The following CLEC4F variants were observed in gnomAD, a reference collection of about 807,000 sequenced individuals.
CLEC4F encodes C-type lectin domain family 4 member F.
A neutral mutation model predicts 53.4 loss-of-function variants in CLEC4F; 45 were observed. The ratio of observed to expected loss-of-function variants is 0.84; its 90% CI spans 0.66 to 1.08. CLEC4F has a LOEUF of 1.08. Ranked by LOEUF, CLEC4F falls within the 50% of genes least tolerant of loss-of-function variation. The pLI, the probability that CLEC4F is intolerant of heterozygous loss-of-function variation, is 0.00. For missense variants in CLEC4F, 753 were observed against 698.2 expected (o/e 1.08, Z -0.88); for synonymous variants, 245 against 257.5 (o/e 0.95, Z 0.46).
chr2:70,821,212 C>T (rs1460336025), upstream of CLEC4F, among the ~76,000 whole-genome samples: 1 of 152,180 alleles, frequency 6.6e-6, no homozygotes, highest in Non-Finnish European at 1.5e-5. Context: ...CAGTTCCTGA[C>T]ACAGAACTCC....
intron 4 of CLEC4F, among the ~76,000 whole-genome samples, chr2:70,814,481 A>G (rs116695426): frequency 2.0e-5 from 3 of 152,208 alleles, no homozygotes; most frequent in Admixed American, 1.3e-4. Context: ...CCATAGCCCT[A>G]CTGAATCCAA....
At chr2:70,815,619 TC>T (rs1553395573) in intron 4 of CLEC4F, among the ~76,000 whole-genome samples, 2 of 152,134 alleles carry the variant, frequency 1.3e-5, no homozygotes, top group African/African-American at 2.4e-5. Flanking sequence ...TATTATTGTC[TC>T]CCCCTTGCAG....
intron 4 of CLEC4F, among the ~76,000 whole-genome samples, chr2:70,814,291 C>T (rs552183070): frequency 1.3e-5 from 2 of 152,192 alleles, no homozygotes; most frequent in African/African-American, 2.4e-5. Flanking sequence ...ACTGGAAAAA[C>T]GTCAACCTGG....
rs377763141 is a variant in CLEC4F at position 70,816,430 on chromosome 2, G to T, written c.951C>A (p.Ile317=). 1.2e-6 allele frequency: 2 copies of T among 1,613,904 alleles called. No homozygotes were observed. Among genetic ancestry groups the T allele is most frequent in the African/African-American group, 2.7e-5 (2 of 74,880 alleles). The change falls in exon 4 of 7, where the codon ATC becomes ATA. Residue 317 remains isoleucine, a synonymous_variant. Transcript: ENST00000272367. ...TTTCCAAATGACCTCTTAAGAACTG[G>T]ATCTCAGCACTAGTGTTGTCAAAAC... ...KSSFDNTSAE[I]QFLRGHLERA...
Position 70,816,574 on chromosome 2 carries a change from G to A in CLEC4F, c.807C>T (p.Thr269=). 6.2e-7 allele frequency: 1 copy of A among 1,613,778 alleles called. No individual in the cohort carries two copies. The highest frequency in any genetic ancestry group is 2.2e-5 in the East Asian group (1 of 44,864). ...GHLDSVNDLR[T]QNQVLRNSLE... is the part of the protein sequence containing the mutation. ...AACTATTTCTTAAAACCTGGTTCTG[G>A]GTCCTCAAGTCATTGACACTATCTA... The change falls in exon 4 of 7, where the codon ACC becomes ACT. Residue 269 remains threonine (T), a synonymous_variant. Transcript: ENST00000272367.
At chr2:70,809,663 G>A in intron 6 of CLEC4F, 76 bp downstream of exon 6, 1 of 1,115,470 alleles carries the variant, frequency 9.0e-7, no homozygotes, top group Non-Finnish European at 1.4e-6. Context: ...CCACTTACTG[G>A]GAAGGGACAC....
Position 70,816,868 on chromosome 2 carries a change from A to C in CLEC4F, c.513T>G (p.Ser171Arg). 1 of 1,613,840 alleles carries C rather than the reference A, an allele frequency of 6.2e-7. No homozygotes were observed. The highest frequency in any genetic ancestry group is 1.1e-5 in the South Asian group (1 of 91,068). Residue 171 changes from serine (S) to arginine (R), a missense_variant, in exon 4 of 7, where the codon AGT (serine) becomes AGG (arginine). Transcript: ENST00000272367. The stretch of plus-strand genomic sequence containing the variant: ...TCTCAGCATTGGTTCCCTCCAGGGA[A>C]CTCCTTAACATCTGTGTCTGCAAAC... ...TLSLQTQMLR[S>R]SLEGTNAEIQ... is the part of the protein sequence containing the mutation.
chr2:70,809,676 A>G, intron 6 of CLEC4F, 63 bp downstream of exon 6: 1 of 1,222,534 alleles, frequency 8.2e-7, no homozygotes, highest in Non-Finnish European at 1.2e-6. Context: ...AGGGACACAC[A>G]GTGTGTAGCT....
upstream of CLEC4F, among the ~76,000 whole-genome samples, chr2:70,824,621 C>CAAAAAAAAAAAAAAAAAAAAAAA (rs1388918958): frequency 1.0e-4 from 4 of 38,268 alleles, no homozygotes; most frequent in African/African-American, 1.9e-4. Flanking sequence ...TGCTTAGTTA[C>CAAAAAAAAAAAAAAAAAAAAAAA]CAAAAAAAAA....
chr2:70,809,426 G>T (rs782102122), intron 6 of CLEC4F, 44 bp from the exon 7 acceptor site: 19 of 1,549,944 alleles, frequency 1.2e-5, no homozygotes, highest in Middle Eastern at 2.4e-4. Flanking sequence ...CCACTCACTG[G>T]CTGCATGCCA....
intron 3 of CLEC4F, among the ~76,000 whole-genome samples, chr2:70,818,696 G>A (rs559253318): frequency 1.3e-5 from 2 of 152,018 alleles, no homozygotes; most frequent in South Asian, 2.1e-4. Flanking sequence ...GGGTGACAGA[G>A]CGAGACTCCG....
intron 4 of CLEC4F, among the ~76,000 whole-genome samples, chr2:70,815,472 A>G (rs1461794876): frequency 6.6e-6 from 1 of 152,124 alleles, no homozygotes; most frequent in Non-Finnish European, 1.5e-5. Context: ...TCTCAAGGGT[A>G]CCTATCACAC....
rs782780824 is a variant in CLEC4F, at chr2:70,816,787, C to T, written c.594G>A (p.Leu198=). ...EKADALTFQT[L]NFLKSSLENT... Reference sequence around the variant, plus strand: ...TTTCTAAACTGCTTTTTAAGAAATTCAGCGTCTGGAAAGTTAAAGCATCTG... The same window carrying T: ...TTTCTAAACTGCTTTTTAAGAAATTTAGCGTCTGGAAAGTTAAAGCATCTG... Residue 198 remains leucine, a synonymous_variant, in exon 4 of 7, where the codon CTG becomes CTA. Transcript: ENST00000272367. The T allele has an allele frequency of 4.2e-5, 68 of 1,614,020 alleles. No homozygotes were observed. The highest frequency in any genetic ancestry group is 5.6e-5 in the Non-Finnish European group (66 of 1,180,036).
Position 70,820,559 on chromosome 2 carries a change from C to T in CLEC4F, c.-36G>A, listed in dbSNP as rs1677184353. On this transcript the variant is annotated 5_prime_UTR_variant, in exon 1 of 7. Coordinates refer to ENST00000272367, the MANE Select transcript of CLEC4F (RefSeq NM_173535.3). The stretch of plus-strand genomic sequence containing the variant: ...TTGATCCTCCAGCACTGCTCCCAGC[C>T]ACTGGCTCCTGGAAGGGCCGTCCCG... 1 of 1,563,518 alleles carries T rather than the reference C, an allele frequency of 6.4e-7. No homozygotes were observed.
intron 3 of CLEC4F, among the ~76,000 whole-genome samples, chr2:70,818,721 C>G (rs1348531972): frequency 6.6e-6 from 1 of 151,190 alleles, no homozygotes; most frequent in Non-Finnish European, 1.5e-5. Context: ...AAAACAAAAA[C>G]AAAAACTAAA....
chr2:70,824,922 G>A (rs1677311230), upstream of CLEC4F, among the ~76,000 whole-genome samples: 1 of 152,170 alleles, frequency 6.6e-6, no homozygotes. Flanking sequence ...TACTCTTTCA[G>A]TGTGAACTGC....
chr2:70,819,904 A>T lies in CLEC4F; in HGVS notation c.62-13T>A, dbSNP rs782027238. On this transcript the variant is annotated splice_polypyrimidine_tract_variant and intron_variant, in intron 1 of 6. Transcript: ENST00000272367. ...ACAGAGTCCACCTCTGCAGGGGAGA[A>T]GGCAGTGTCCAAGGTGAGAGGGTGC... is the stretch of plus-strand genomic sequence containing the variant. The T allele has an allele frequency of 6.5e-7, 1 of 1,549,026 alleles. No individual in the cohort carries two copies. Among genetic ancestry groups the T allele is most frequent in the Non-Finnish European group, 8.7e-7 (1 of 1,143,828 alleles).
Position 70,816,439 on chromosome 2 carries a change from A to G in CLEC4F, c.942T>C (p.Ser314=). Residue 314 remains serine, a synonymous_variant, in exon 4 of 7, where the codon AGT becomes AGC. Coordinates refer to ENST00000272367, the MANE Select transcript of CLEC4F (RefSeq NM_173535.3). ...GACCTCTTAAGAACTGGATCTCAGCACTAGTGTTGTCAAAACTGCTTTTTA... is the reference window on the plus strand; with the variant it reads ...GACCTCTTAAGAACTGGATCTCAGCGCTAGTGTTGTCAAAACTGCTTTTTA... ...AFIKSSFDNT[S]AEIQFLRGHL... 1 of 1,614,134 alleles carries G rather than the reference A, an allele frequency of 6.2e-7. No homozygotes were observed. The highest frequency in any genetic ancestry group is 8.5e-7 in the Non-Finnish European group (1 of 1,180,022).
intron 3 of CLEC4F, among the ~76,000 whole-genome samples, chr2:70,817,512 C>G (rs1362658395): frequency 2.6e-5 from 4 of 152,144 alleles, no homozygotes; most frequent in African/African-American, 9.7e-5. Flanking sequence ...ACAGATGGGT[C>G]ATTATGGGAA....
Sources: allele counts gnomAD v4.1 joint callset (sites outside exome capture counted in the v4.1 genomes callset), GRCh38; gene constraint gnomAD v4.1.1; transcripts MANE v1.5; gene names NCBI Gene and HGNC (gene_info 2026-07-23, HGNC 2026-07-21).